Variants in THADA observed in about 807,000 individuals in gnomAD.
The protein encoded by THADA is THADA armadillo repeat containing.
In THADA, 213 loss-of-function variants were observed where a neutral mutation model predicts 219.8. The observed-to-expected ratio is 0.97, with a 90% confidence interval of 0.87 to 1.09. THADA has a LOEUF of 1.09. THADA is among the 50% of genes least tolerant of loss of function. The pLI, the probability that THADA is intolerant of heterozygous loss-of-function variation, is 0.00. For missense variants in THADA, 2,956 were observed against 2,311.3 expected (o/e 1.28, Z -5.72); for synonymous variants, 1,018 against 828.9 (o/e 1.23, Z -3.92).
At chr2:43,484,414 C>G (rs1012055657) in intron 26 of THADA, 1 of 169,044 alleles carries the variant, frequency 5.9e-6, no homozygotes, top group African/African-American at 2.4e-5. Context: ...GAATATAACT[C>G]TAGATCCTCA....
At chr2:43,346,241 T>C (rs1667612455) in intron 29 of THADA, among the ~76,000 whole-genome samples, 1 of 152,198 alleles carries the variant, frequency 6.6e-6, no homozygotes, top group Non-Finnish European at 1.5e-5. Flanking sequence ...GTTAGTGTTT[T>C]TGAGATATTT....
At chr2:43,453,903 T>C (rs1008052505) in intron 26 of THADA, among the ~76,000 whole-genome samples, 8 of 152,230 alleles carry the variant, frequency 5.3e-5, no homozygotes, top group Non-Finnish European at 1.2e-4. Context: ...TTTCTACATT[T>C]TGTTTTTAAG....
At chr2:43,570,166 T>G (rs1699133278) in intron 14 of THADA, among the ~76,000 whole-genome samples, 1 of 152,168 alleles carries the variant, frequency 6.6e-6, no homozygotes, top group East Asian at 1.9e-4. Context: ...GTTAGCCCAC[T>G]AACGTCATTC....
intron 30 of THADA, among the ~76,000 whole-genome samples, chr2:43,325,903 C>T (rs1353344839): frequency 6.6e-6 from 1 of 151,866 alleles, no homozygotes; most frequent in Non-Finnish European, 1.5e-5. Context: ...AATAAGCTAC[C>T]CTACATTATA....
intron 36 of THADA, among the ~76,000 whole-genome samples, chr2:43,279,202 G>C (rs1314543936): frequency 6.6e-6 from 1 of 152,100 alleles, no homozygotes; most frequent in East Asian, 1.9e-4. Flanking sequence ...CGACGGCTGC[G>C]ACCTCAGGAC....
chr2:43,569,215 G>A (rs1699027315), intron 14 of THADA, among the ~76,000 whole-genome samples: 1 of 152,120 alleles, frequency 6.6e-6, no homozygotes, highest in African/African-American at 2.4e-5. Flanking sequence ...GGACTCAAGT[G>A]ATCCTCCTGC....
At chr2:43,237,640 C>T (rs1668185135) in intron 36 of THADA, among the ~76,000 whole-genome samples, 1 of 151,544 alleles carries the variant, frequency 6.6e-6, no homozygotes, top group Non-Finnish European at 1.5e-5. Flanking sequence ...ACCTCGTGAT[C>T]CACCCGCCTC....
At chr2:43,335,464 C>T (rs1414632264) in intron 30 of THADA, among the ~76,000 whole-genome samples, 1 of 152,140 alleles carries the variant, frequency 6.6e-6, no homozygotes, top group East Asian at 1.9e-4. Context: ...ATACAATAAA[C>T]TTCATGAGAT....
chr2:43,387,106 C>G (rs1672782874), intron 29 of THADA, among the ~76,000 whole-genome samples: 1 of 152,100 alleles, frequency 6.6e-6, no homozygotes, highest in South Asian at 2.1e-4. Flanking sequence ...AGCCTCTTGT[C>G]CCCCACCCAA....
intron 20 of THADA, among the ~76,000 whole-genome samples, chr2:43,545,569 C>T (rs1695914140): frequency 6.6e-6 from 1 of 152,152 alleles, no homozygotes; most frequent in African/African-American, 2.4e-5. Flanking sequence ...TTGGTCTATT[C>T]AGAGATTCAA....
intron 36 of THADA, among the ~76,000 whole-genome samples, chr2:43,248,523 C>T (rs371672391): frequency 5.9e-5 from 9 of 152,024 alleles, no homozygotes; most frequent in South Asian, 2.1e-4. Flanking sequence ...TGAGCCACCA[C>T]GCTCGCTCAG....
chr2:43,477,403 T>A (rs1210267226), intron 26 of THADA, among the ~76,000 whole-genome samples: 1 of 152,218 alleles, frequency 6.6e-6, no homozygotes, highest in East Asian at 1.9e-4. Context: ...TCAGCATTTC[T>A]AGTCAGTGAA....
chr2:43,347,514 G>A (rs1667763786), intron 29 of THADA, among the ~76,000 whole-genome samples: 1 of 152,156 alleles, frequency 6.6e-6, no homozygotes. Flanking sequence ...TAAAATATTG[G>A]TAATGCCAAC....
In THADA at chr2:43,398,030, G is replaced by A. The variant is rs773822690; in HGVS notation, c.4168C>T (p.Leu1390Phe). The stretch of plus-strand genomic sequence containing the variant: ...AAACACTGGTCAGTGCAGCTGGGGA[G>A]TGTGGACAACAGAGTTCGAATGGTA... ...PNTIRTLLST[L>F]PSCTDQCFRQ... The change falls in exon 29 of 38, where the codon CTC becomes TTC. Residue 1390 changes from leucine (L) to phenylalanine (F), a missense_variant. By Grantham distance (22) the Leu-to-Phe change is conservative. Transcript: ENST00000405975. 3.7e-6 allele frequency: 6 copies of A among 1,614,040 alleles called. No homozygotes were observed. Among genetic ancestry groups the A allele is most frequent in the Non-Finnish European group, 5.1e-6 (6 of 1,179,876 alleles).
intron 11 of THADA, among the ~76,000 whole-genome samples, chr2:43,573,527 T>G (rs1699521299): frequency 6.6e-6 from 1 of 152,194 alleles, no homozygotes; most frequent in African/African-American, 2.4e-5. Flanking sequence ...CAGAACAGAT[T>G]CTTGAATCCT....
intron 15 of THADA, among the ~76,000 whole-genome samples, chr2:43,560,633 G>T (rs1442530618): frequency 6.6e-6 from 1 of 151,994 alleles, no homozygotes; most frequent in East Asian, 1.9e-4. Context: ...CTATATAAAA[G>T]ATTTCTAAGT....
intron 22 of THADA, among the ~76,000 whole-genome samples, chr2:43,512,037 T>C (rs1690542587): frequency 1.3e-5 from 2 of 152,214 alleles, no homozygotes; most frequent in South Asian, 2.1e-4. Context: ...CCCTTGAGTA[T>C]TGCATACTAA....
At chr2:43,572,736 T>G (rs1699431343) in intron 12 of THADA, 78 bp downstream of exon 12, 4 of 1,319,888 alleles carry the variant, frequency 3.0e-6, no homozygotes, top group Admixed American at 4.7e-5. Context: ...CAGGATACAA[T>G]GTAGGGGCCT....
intron 27 of THADA, among the ~76,000 whole-genome samples, chr2:43,428,478 G>A (rs1002667578): frequency 6.6e-6 from 1 of 152,158 alleles, no homozygotes; most frequent in African/African-American, 2.4e-5. Context: ...GGTGGCGCAT[G>A]CCTGTAATTC....
Sources: allele counts gnomAD v4.1 joint callset (sites outside exome capture counted in the v4.1 genomes callset), GRCh38; gene constraint gnomAD v4.1.1; transcripts MANE v1.5; gene names NCBI Gene and HGNC (gene_info 2026-07-23, HGNC 2026-07-21).